TBC1D5: variants seen among roughly 807,000 people sequenced by gnomAD.
The protein encoded by TBC1D5 is TBC1 domain family member 5, also known as TBC1 domain family, member 5.
Under a neutral mutation model 100.3 loss-of-function variants are expected in TBC1D5, and 75 were observed. That is an observed-to-expected ratio of 0.75 (90% CI 0.62 to 0.91). The LOEUF (loss-of-function observed/expected upper bound fraction) is 0.91, where lower values mean the gene tolerates loss of function less well. Among genes scored for constraint, TBC1D5 ranks in the 40% least tolerant of loss-of-function variants. The pLI, the probability that TBC1D5 is intolerant of heterozygous loss-of-function variation, is 0.00. For synonymous variants in TBC1D5, 323 were observed against 325.6 expected (o/e 0.99, Z 0.09); for missense variants, 910 against 942.4 (o/e 0.97, Z 0.45).
At chr3:17,389,402 C>T (rs1183745849) in intron 8 of TBC1D5, among the ~76,000 whole-genome samples, 2 of 152,098 alleles carry the variant, frequency 1.3e-5, no homozygotes, top group South Asian at 2.1e-4. Context: ...ATGTGCTGCC[C>T]TTAGTGACCA....
At chr3:17,354,457 G>T (rs1476524749) in intron 13 of TBC1D5, among the ~76,000 whole-genome samples, 2 of 151,976 alleles carry the variant, frequency 1.3e-5, no homozygotes, top group Non-Finnish European at 2.9e-5. Context: ...TTCTCCCCTT[G>T]AAAAACTGCA....
chr3:17,719,543 C>A (rs2075522437), intron 1 of TBC1D5, among the ~76,000 whole-genome samples: 1 of 152,072 alleles, frequency 6.6e-6, no homozygotes, highest in African/African-American at 2.4e-5. Flanking sequence ...TTTGGTTTTG[C>A]AGAAAGGTCA....
intron 3 of TBC1D5, among the ~76,000 whole-genome samples, chr3:17,448,810 C>A (rs947361515): frequency 6.6e-6 from 1 of 152,154 alleles, no homozygotes; most frequent in Non-Finnish European, 1.5e-5. Context: ...CCCTAGGATC[C>A]TCAAAATTGT....
At position 17,300,694 on chromosome 3, in the gene TBC1D5, C is replaced by A. The variant is rs2082734062; in HGVS notation, c.1138+7298G>T. Among the ~76,000 whole-genome samples, 3 of 152,196 alleles carry A rather than the reference C, an allele frequency of 2.0e-5. No individual in the cohort carries two copies. The South Asian group carries it at 6.2e-4, about 32-fold the overall frequency. Reference sequence around the variant, plus strand: ...CAAGGCAGGAAGTGGGTAGAAGTGCCAAGAAGGAAACTTTTCCATTTATGG... The same window carrying A: ...CAAGGCAGGAAGTGGGTAGAAGTGCAAAGAAGGAAACTTTTCCATTTATGG... On this transcript the variant is annotated intron_variant, in intron 14 of 21. Coordinates refer to ENST00000253692, the Ensembl canonical transcript of TBC1D5.
chr3:17,653,974 A>G (rs1311760870), intron 1 of TBC1D5, among the ~76,000 whole-genome samples: 3 of 152,166 alleles, frequency 2.0e-5, no homozygotes, highest in African/African-American at 7.2e-5. Flanking sequence ...AATTCACAAA[A>G]TTTGCATCTA....
upstream of TBC1D5, among the ~76,000 whole-genome samples, chr3:17,742,000 G>T (rs1262231497): frequency 6.6e-6 from 1 of 152,006 alleles, no homozygotes; most frequent in Admixed American, 6.5e-5. Flanking sequence ...GGAAGGAAGC[G>T]TGCTTCCCGG....
intron 13 of TBC1D5, among the ~76,000 whole-genome samples, chr3:17,315,270 T>TTA (rs1575284592): frequency 6.6e-6 from 1 of 152,186 alleles, no homozygotes. Context: ...CTGTATTAAT[T>TTA]TATATATATT....
chr3:17,632,056 T>G (rs1414381614), intron 1 of TBC1D5, among the ~76,000 whole-genome samples: 2 of 152,232 alleles, frequency 1.3e-5, no homozygotes, highest in African/African-American at 4.8e-5. Flanking sequence ...CAAAGTCAAT[T>G]GAAACCTTCT....
intron 1 of TBC1D5, among the ~76,000 whole-genome samples, chr3:17,689,044 CT>C (rs1194423957): frequency 6.6e-6 from 1 of 152,092 alleles, no homozygotes; most frequent in African/African-American, 2.4e-5. Context: ...TTAATAGAGT[CT>C]CATAATTTAG....
At chr3:17,686,415 T>C (rs989671708) in intron 1 of TBC1D5, among the ~76,000 whole-genome samples, 1 of 152,148 alleles carries the variant, frequency 6.6e-6, no homozygotes, top group Admixed American at 6.6e-5. Flanking sequence ...AGGGACTACA[T>C]TAAAACAATA....
At chr3:17,612,851 C>T (rs1288617095) in intron 2 of TBC1D5, among the ~76,000 whole-genome samples, 2 of 145,096 alleles carry the variant, frequency 1.4e-5, no homozygotes, top group Non-Finnish European at 3.0e-5. Flanking sequence ...ACACAAGTAA[C>T]AATTAGAATA....
chr3:17,640,219 A>G (rs947280040), intron 1 of TBC1D5, among the ~76,000 whole-genome samples: 2 of 152,140 alleles, frequency 1.3e-5, no homozygotes, highest in African/African-American at 2.4e-5. Context: ...TTCTTATTAA[A>G]TCAGGTGCCA....
chr3:17,308,353 T>C (rs1262976183), intron 13 of TBC1D5, among the ~76,000 whole-genome samples: 1 of 152,100 alleles, frequency 6.6e-6, no homozygotes, highest in Non-Finnish European at 1.5e-5. Flanking sequence ...TACACACGTA[T>C]TATACATATA....
At chr3:17,563,924 A>G (rs1450433182) in intron 2 of TBC1D5, among the ~76,000 whole-genome samples, 1 of 152,138 alleles carries the variant, frequency 6.6e-6, no homozygotes, top group Non-Finnish European at 1.5e-5. Flanking sequence ...CTGGGACTAC[A>G]AGCGCCCGCC....
At chr3:17,220,871 G>C (rs563282002) in intron 17 of TBC1D5, among the ~76,000 whole-genome samples, 4 of 152,078 alleles carry the variant, frequency 2.6e-5, no homozygotes, top group African/African-American at 7.2e-5. Flanking sequence ...GATTCACAAG[G>C]CTTTTTGACA....
chr3:17,603,706 C>A (rs1165332579), intron 2 of TBC1D5, among the ~76,000 whole-genome samples: 1 of 152,134 alleles, frequency 6.6e-6, no homozygotes, highest in African/African-American at 2.4e-5. Flanking sequence ...TGCTTTGTTG[C>A]CCAGGCTGGA....
chr3:17,583,182 C>G (rs183510812), intron 2 of TBC1D5, among the ~76,000 whole-genome samples: 4 of 151,794 alleles, frequency 2.6e-5, no homozygotes, highest in Admixed American at 2.6e-4. Flanking sequence ...CTATTTGAGA[C>G]GCTGAGGTAA....
exon 14 of TBC1D5, chr3:17,308,079 C>G: frequency 6.2e-7 from 1 of 1,610,120 alleles, no homozygotes; most frequent in Non-Finnish European, 8.5e-7. Context: ...GCATCCCAGA[C>G]CACCAGAAGG....
At chr3:17,742,107 C>A (rs1337407844), upstream of TBC1D5, among the ~76,000 whole-genome samples, 2 of 152,198 alleles carry the variant, frequency 1.3e-5, no homozygotes, top group Non-Finnish European at 1.5e-5. Flanking sequence ...CAGTCTAGAC[C>A]CCGACCTCCT....
Sources: allele counts gnomAD v4.1 joint callset (sites outside exome capture counted in the v4.1 genomes callset), GRCh38; gene constraint gnomAD v4.1.1; transcripts MANE v1.5; gene names NCBI Gene and HGNC (gene_info 2026-07-23, HGNC 2026-07-21).